The following UFSP2 variants were observed in gnomAD, a reference collection of about 807,000 sequenced individuals.
UFSP2 encodes UFM1 specific peptidase 2, also known as ufm1-specific protease 2.
In UFSP2, 43 loss-of-function variants were observed where a neutral mutation model predicts 60.2. That is an observed-to-expected ratio of 0.71 (90% CI 0.56 to 0.92). The LOEUF (loss-of-function observed/expected upper bound fraction) is 0.92, where lower values mean the gene tolerates loss of function less well. Among genes scored for constraint, UFSP2 ranks in the 40% least tolerant of loss-of-function variants. The pLI is 0.00. For synonymous variants in UFSP2, 183 were observed against 195.1 expected, an observed-to-expected ratio of 0.94 and a Z score of 0.52; for missense variants, 520 against 575.0, an observed-to-expected ratio of 0.90 and a Z score of 0.98.
chr4:185,400,310 G>A lies in UFSP2; in HGVS notation c.*82C>T. Reference sequence around the variant, plus strand: ...ATTTAAATCGTCAAACTAGAACCAGGATTTAATGTGAAAAATTAAACTGAT... The same window carrying A: ...ATTTAAATCGTCAAACTAGAACCAGAATTTAATGTGAAAAATTAAACTGAT... On this transcript the variant is annotated 3_prime_UTR_variant, in exon 12 of 12. Transcript: ENST00000264689. 8.8e-7 allele frequency: 1 copy of A among 1,139,624 alleles called. No individual in the cohort carries two copies. Among genetic ancestry groups the A allele is most frequent in the East Asian group, 2.4e-5 (1 of 41,940 alleles). 70.6% of individuals were successfully genotyped at this position (1,139,624 alleles called of 1,614,324 possible). A position where few individuals can be genotyped will look rare whatever the true frequency, so the allele number is the denominator to read the frequency against.
chr4:185,415,523 G>A (rs188586968), intron 5 of UFSP2, among the ~76,000 whole-genome samples, 176 bp from the exon 6 acceptor site: 63 of 152,178 alleles, frequency 4.1e-4, no homozygotes, highest in African/African-American at 1.5e-3. Flanking sequence ...GTGGATAAAG[G>A]GAAATCCTCC....
In UFSP2 at chr4:185,403,627, GA is replaced by G. The variant is rs1435692846; in HGVS notation, c.1199-10del. 34 of 1,593,072 alleles carry G rather than the reference GA, an allele frequency of 2.1e-5. No homozygotes were observed. Among genetic ancestry groups the G allele is most frequent in the Non-Finnish European group, 2.9e-5 (34 of 1,174,616 alleles). On this transcript the variant is annotated splice_polypyrimidine_tract_variant and intron_variant, in intron 10 of 11. Transcript: ENST00000264689. ...GGCCAAAACTCCTCCCCCTATAGAA[GA>G]AAAAATAGGAAATACGAATGAAGGC...
In UFSP2 at chr4:185,418,547, T is replaced by A. The variant is rs201520085; in HGVS notation, c.266+40A>T. ...CACAGACATTTATAATATGAAATGA[T>A]GTTTTGAAAACATTTCTAGAAATCT... On this transcript the variant is annotated intron_variant, in intron 3 of 11. Coordinates refer to ENST00000264689, the MANE Select transcript of UFSP2 (RefSeq NM_018359.5). 1.8e-3 allele frequency: 2,947 copies of A among 1,610,498 alleles called. 3 individuals carry two copies. Among genetic ancestry groups the A allele is most frequent in the Non-Finnish European group, 2.3e-3 (2,763 of 1,178,752 alleles).
intron 1 of UFSP2, among the ~76,000 whole-genome samples, chr4:185,423,979 A>C (rs1156909276): frequency 6.6e-6 from 1 of 152,132 alleles, no homozygotes; most frequent in Non-Finnish European, 1.5e-5. Flanking sequence ...ATAAATGAAT[A>C]AGTACTAACA....
intron 2 of UFSP2, among the ~76,000 whole-genome samples, chr4:185,420,604 GAT>G (rs759428958): frequency 3.9e-5 from 6 of 152,216 alleles, no homozygotes; most frequent in East Asian, 3.9e-4. Context: ...AAAATATTTT[GAT>G]ATGTTTCAGA....
At chr4:185,403,413 T>G in intron 11 of UFSP2, 81 bp downstream of exon 11, 1 of 1,549,462 alleles carries the variant, frequency 6.5e-7, no homozygotes, top group South Asian at 1.2e-5. Flanking sequence ...GCTTATTGTC[T>G]TTCTGTTACC....
intron 8 of UFSP2, 100 bp downstream of exon 8, chr4:185,408,171 G>A (rs2095523626): frequency 4.5e-6 from 7 of 1,539,786 alleles, no homozygotes; most frequent in Non-Finnish European, 6.2e-6. Flanking sequence ...CTTCAAAACA[G>A]AAATAAGTCT....
At chr4:185,422,234 CAATT>C (rs752456610) in intron 2 of UFSP2, among the ~76,000 whole-genome samples, 5 of 152,206 alleles carry the variant, frequency 3.3e-5, no homozygotes, top group East Asian at 1.9e-4. Context: ...TTTATTGTAA[CAATT>C]AATGAAGAGG....
chr4:185,408,314 C>A lies in UFSP2; in HGVS notation c.953G>T (p.Gly318Val), dbSNP rs767025531. 5 of 1,614,012 alleles carry A rather than the reference C, an allele frequency of 3.1e-6. No individual in the cohort carries two copies. The highest frequency in any genetic ancestry group is 4.2e-6 in the Non-Finnish European group (5 of 1,180,012). The change falls in exon 8 of 12, where the codon GGA becomes GTA. Residue 318 changes from glycine to valine, a missense_variant. By Grantham distance (109) the Gly-to-Val change is moderately radical. Coordinates refer to ENST00000264689, the MANE Select transcript of UFSP2 (RefSeq NM_018359.5). ...QTICSWFKHQ[G>V]YTERSIPTHR... ...TGTTGGAATGGACCTCTCTGTGTATCCCTGATGTTTGAACCAAGAGCAGAT... is the reference window on the plus strand; with the variant it reads ...TGTTGGAATGGACCTCTCTGTGTATACCTGATGTTTGAACCAAGAGCAGAT...
intron 2 of UFSP2, among the ~76,000 whole-genome samples, chr4:185,419,343 G>A (rs2095545292): frequency 6.6e-6 from 1 of 152,068 alleles, no homozygotes; most frequent in African/African-American, 2.4e-5. Context: ...CGTTAGCCAG[G>A]ATGGTCTCGA....
chr4:185,423,618 T>C (rs962857090), intron 1 of UFSP2, among the ~76,000 whole-genome samples: 1 of 152,120 alleles, frequency 6.6e-6, no homozygotes, highest in Non-Finnish European at 1.5e-5. Context: ...TGCTGAAAAT[T>C]AAAAGGCACA....
At position 185,400,422 on chromosome 4, in the gene UFSP2, T is replaced by C. The variant is rs1207569166; in HGVS notation, c.1380A>G (p.Leu460=). The C allele has an allele frequency of 1.2e-6, 2 of 1,613,840 alleles. No individual in the cohort carries two copies. The highest frequency in any genetic ancestry group is 1.7e-5 in the Admixed American group (1 of 59,988). Residue 460 remains leucine, a synonymous_variant, in exon 12 of 12, where the codon TTA becomes TTG. Coordinates refer to ENST00000264689, the MANE Select transcript of UFSP2 (RefSeq NM_018359.5). ...TCATATTTGGTCGCTGAGGAAGACATAAGTTATAGTATGCATCCTTGTTCC... is the reference window on the plus strand; with the variant it reads ...TCATATTTGGTCGCTGAGGAAGACACAAGTTATAGTATGCATCCTTGTTCC... The part of the protein sequence containing the change: ...DFWNKDAYYN[L]CLPQRPNMI
At chr4:185,416,481 C>T (rs1026179899) in intron 4 of UFSP2, among the ~76,000 whole-genome samples, 2 of 152,152 alleles carry the variant, frequency 1.3e-5, no homozygotes, top group African/African-American at 4.8e-5. Flanking sequence ...TTACACTAAA[C>T]TTATTTCGCA....
chr4:185,415,287 A>C lies in UFSP2; in HGVS notation c.552T>G (p.Ile184Met). The C allele has an allele frequency of 6.2e-7, 1 of 1,602,652 alleles. No individual in the cohort carries two copies. The highest frequency in any genetic ancestry group is 1.1e-5 in the South Asian group (1 of 88,074). Residue 184 changes from isoleucine to methionine, a missense_variant, in exon 6 of 12, where the codon ATT (isoleucine) becomes ATG (methionine). Transcript: ENST00000264689. ...TAGATGTTCCTTTCATATATTTCAA[A>C]ATACATTTTTCCATGTCAGTTAGTT... The part of the protein sequence containing the change: ...HNQLTDMEKC[I>M]LKYMKGTSIV...
chr4:185,415,249 T>C lies in UFSP2; in HGVS notation c.590A>G (p.Glu197Gly). 9.3e-6 allele frequency: 15 copies of C among 1,604,676 alleles called. No individual in the cohort carries two copies. The highest frequency in any genetic ancestry group is 1.3e-5 in the Non-Finnish European group (15 of 1,177,860). The part of the protein sequence containing the change: ...YMKGTSIVVP[E>G]PLHFLLPGKK... Reference sequence around the variant, plus strand: ...CCCTGGTAATAAAAAGTGCAGTGGTTCAGGGACCACAATAGATGTTCCTTT... The same window carrying C: ...CCCTGGTAATAAAAAGTGCAGTGGTCCAGGGACCACAATAGATGTTCCTTT... The change falls in exon 6 of 12, where the codon GAA becomes GGA. Residue 197 changes from glutamate (E) to glycine (G), a missense_variant. Transcript: ENST00000264689.
chr4:185,405,002 CTTTTTT>C (rs70962563), intron 10 of UFSP2, among the ~76,000 whole-genome samples: 2 of 138,200 alleles, frequency 1.4e-5, no homozygotes, highest in East Asian at 2.1e-4. Context: ...ACCTCCATTT[CTTTTTT>C]TTTTTTTTTT....
In UFSP2 at chr4:185,425,919, G is replaced by A. The variant is rs11132303; in HGVS notation, c.-51C>T. ...CGCTGACGCCTGCCCAAAAGTTCCG[G>A]GGGCCGGCCCTGAAGTGGTGTCACC... On this transcript the variant is annotated 5_prime_UTR_variant, in exon 1 of 12. Transcript: ENST00000264689. 2 of 1,573,540 alleles carry A rather than the reference G, an allele frequency of 1.3e-6. No homozygotes were observed. Among genetic ancestry groups the A allele is most frequent in the Non-Finnish European group, 1.7e-6 (2 of 1,159,780 alleles).
At chr4:185,422,421 G>T in intron 2 of UFSP2, 64 bp downstream of exon 2, 2 of 1,213,080 alleles carry the variant, frequency 1.6e-6, no homozygotes, top group Non-Finnish European at 2.4e-6. Context: ...TTGCAAAGTG[G>T]AAATAATCTC....
At chr4:185,411,515 A>G (rs1468091624) in intron 7 of UFSP2, among the ~76,000 whole-genome samples, 2 of 152,242 alleles carry the variant, frequency 1.3e-5, no homozygotes, top group African/African-American at 4.8e-5. Flanking sequence ...GTAAAATATT[A>G]GCAAATGGAA....
Sources: allele counts gnomAD v4.1 joint callset (sites outside exome capture counted in the v4.1 genomes callset), GRCh38; gene constraint gnomAD v4.1.1; transcripts MANE v1.5; gene names NCBI Gene and HGNC (gene_info 2026-07-23, HGNC 2026-07-21).